The following QTGAL variants were observed in gnomAD, a reference collection of about 807,000 sequenced individuals.
QTGAL encodes queuosine-tRNA galactosyltransferase.
At chr17:82,974,997 CGG>C in the QTGAL span, among the ~76,000 whole-genome samples, 127 of 110,462 alleles carry the variant, frequency 1.1e-3, no homozygotes, top group Middle Eastern at 4.4e-3. Flanking sequence ...GGGACAGAGC[CGG>C]ACTCCATCCT....
the QTGAL span, among the ~76,000 whole-genome samples, chr17:82,984,588 G>GA: frequency 5.4e-4 from 81 of 151,112 alleles, no homozygotes; most frequent in Non-Finnish European, 6.5e-4. Context: ...GAGGCTACAG[G>GA]GTCGTGCAGG....
the QTGAL span, among the ~76,000 whole-genome samples, chr17:82,950,867 C>T: frequency 6.6e-6 from 1 of 152,184 alleles, no homozygotes; most frequent in Middle Eastern, 3.2e-3. Context: ...CCGTGCTGTG[C>T]ACAGATGTGC....
the QTGAL span, among the ~76,000 whole-genome samples, chr17:82,951,593 G>A: frequency 2.0e-5 from 3 of 152,108 alleles, no homozygotes; most frequent in Non-Finnish European, 4.4e-5. Flanking sequence ...TCACAACTTG[G>A]CTAACCGTTA....
chr17:83,026,150 C>T, the QTGAL span, among the ~76,000 whole-genome samples: 1 of 152,340 alleles, frequency 6.6e-6, no homozygotes, highest in East Asian at 1.9e-4. Context: ...CACAGAGAGG[C>T]CCCCTTTGCT....
chr17:82,995,541 C>G, the QTGAL span, among the ~76,000 whole-genome samples: 1,528 of 152,150 alleles, frequency 0.01, 31 homozygotes, highest in African/African-American at 0.034. Flanking sequence ...TGCCACCACG[C>G]CTGGCTAATT....
the QTGAL span, among the ~76,000 whole-genome samples, chr17:82,989,987 G>A: frequency 1.1e-4 from 16 of 152,136 alleles, no homozygotes; most frequent in South Asian, 2.3e-3. Flanking sequence ...ATGGATAACC[G>A]CTTTCTTTTA....
the QTGAL span, among the ~76,000 whole-genome samples, chr17:82,954,284 A>G: frequency 1.3e-5 from 2 of 152,336 alleles, no homozygotes; most frequent in African/African-American, 4.8e-5. Flanking sequence ...CTGATAAGCA[A>G]CTTCAGCAAA....
At chr17:82,971,226 C>T in the QTGAL span, among the ~76,000 whole-genome samples, 172 of 152,288 alleles carry the variant, frequency 1.1e-3, 1 homozygote, top group Admixed American at 8.5e-4. Flanking sequence ...GACAGAATTA[C>T]GCATCTGTCT....
chr17:83,023,505 T>C, the QTGAL span, among the ~76,000 whole-genome samples: 2 of 152,248 alleles, frequency 1.3e-5, no homozygotes, highest in East Asian at 3.8e-4. Context: ...AGAAGTCAGG[T>C]GGCACGTGAT....
chr17:83,011,650 G>A, the QTGAL span: 2 of 152,208 alleles, frequency 1.3e-5, no homozygotes, highest in South Asian at 2.1e-4. Context: ...GTGGAGAAAC[G>A]GGGTGGACGC....
the QTGAL span, among the ~76,000 whole-genome samples, chr17:82,977,917 G>A: frequency 1.5e-3 from 235 of 152,192 alleles, 2 homozygotes; most frequent in African/African-American, 5.4e-3. Context: ...CAGCATTTCC[G>A]CTCCATCCCG....
chr17:83,019,608 C>T, the QTGAL span, among the ~76,000 whole-genome samples: 5 of 152,230 alleles, frequency 3.3e-5, no homozygotes, highest in Middle Eastern at 3.4e-3. Context: ...GCGGAGGCGG[C>T]GGGGGCTGCA....
chr17:83,010,679 T>G, the QTGAL span, among the ~76,000 whole-genome samples: 1 of 152,206 alleles, frequency 6.6e-6, no homozygotes, highest in Non-Finnish European at 1.5e-5. Flanking sequence ...GAAGTCCTGT[T>G]TATTTAAGTT....
the QTGAL span, among the ~76,000 whole-genome samples, chr17:83,019,859 G>A: frequency 3.3e-5 from 5 of 151,928 alleles, no homozygotes; most frequent in Admixed American, 1.3e-4. Context: ...TCAACCTCCC[G>A]AGTAGCTGGA....
the QTGAL span, among the ~76,000 whole-genome samples, chr17:82,991,511 C>G: frequency 1.3e-5 from 2 of 152,186 alleles, no homozygotes; most frequent in African/African-American, 4.8e-5. Flanking sequence ...CCTCCCCAGC[C>G]AAGTGGAATG....
chr17:83,024,650 G>A, the QTGAL span, among the ~76,000 whole-genome samples: 2 of 152,262 alleles, frequency 1.3e-5, no homozygotes, highest in East Asian at 1.9e-4. Flanking sequence ...GAATCCACGC[G>A]TGTTAACACG....
chr17:82,966,447 C>G, the QTGAL span, among the ~76,000 whole-genome samples: 1 of 152,214 alleles, frequency 6.6e-6, no homozygotes, highest in Non-Finnish European at 1.5e-5. Context: ...AGTTTCATGA[C>G]TGTATTTCAA....
At chr17:82,968,828 C>T in the QTGAL span, among the ~76,000 whole-genome samples, 2 of 152,136 alleles carry the variant, frequency 1.3e-5, no homozygotes, top group South Asian at 2.1e-4. Context: ...GGAGAAACCC[C>T]GTCTTTACTA....
At chr17:83,015,693 C>T in the QTGAL span, among the ~76,000 whole-genome samples, 5 of 152,346 alleles carry the variant, frequency 3.3e-5, no homozygotes, top group Admixed American at 2.6e-4. The surrounding 1 kb of genome is among the most constrained non-coding windows in gnomAD (Gnocchi z 4.4). Context: ...GCCGGGCGAG[C>T]GTCACGGCCT....
Sources: allele counts gnomAD v4.1 joint callset (sites outside exome capture counted in the v4.1 genomes callset), GRCh38; gene constraint gnomAD v4.1.1; non-coding constraint Gnocchi (gnomAD v3.1); transcripts MANE v1.5; gene names NCBI Gene and HGNC (gene_info 2026-07-23, HGNC 2026-07-21).